The following SLC38A10 variants were observed in gnomAD, a reference collection of about 807,000 sequenced individuals.
SLC38A10 encodes solute carrier family 38 member 10.
SLC38A10 carries 53 observed loss-of-function variants against 81.0 expected under a neutral mutation model. The observed-to-expected ratio is 0.65, with a 90% CI of 0.53 to 0.82. SLC38A10 has a LOEUF of 0.82. SLC38A10 is among the 40% of genes least tolerant of loss of function. The pLI, the probability that SLC38A10 is intolerant of heterozygous loss-of-function variation, is 0.00. For synonymous variants in SLC38A10, 665 were observed against 655.3 expected, an observed-to-expected ratio of 1.01 and a Z score of -0.23; for missense variants, 1,471 against 1,545.0, an observed-to-expected ratio of 0.95 and a Z score of 0.80.
At chr17:81,257,582 G>A (rs2062984395) in intron 11 of SLC38A10, among the ~76,000 whole-genome samples, 1 of 152,252 alleles carries the variant, frequency 6.6e-6, no homozygotes, top group Non-Finnish European at 1.5e-5. Flanking sequence ...CCTCTGGCCT[G>A]TGTTGAGCCA....
intron 14 of SLC38A10, 97 bp from the exon 15 acceptor site, chr17:81,247,158 A>G: frequency 7.7e-7 from 1 of 1,292,604 alleles, no homozygotes; most frequent in South Asian, 1.5e-5. Flanking sequence ...CGCACAGGTC[A>G]CCTGCAGGGA....
At chr17:81,249,630 C>T (rs937609669) in intron 14 of SLC38A10, among the ~76,000 whole-genome samples, 10 of 151,878 alleles carry the variant, frequency 6.6e-5, no homozygotes, top group Non-Finnish European at 1.3e-4. Context: ...GTGGAGGAGA[C>T]AGGCTGTTCC....
At position 81,276,122 on chromosome 17, in the gene SLC38A10, G is replaced by A. The variant is rs559308101; in HGVS notation, c.759C>T (p.Thr253=). The change falls in exon 8 of 16, where the codon ACC becomes ACT. Residue 253 remains threonine, a synonymous_variant. Coordinates refer to ENST00000374759, the MANE Select transcript of SLC38A10 (RefSeq NM_001037984.3). The surrounding 1 kb of genome is among the most constrained non-coding windows in gnomAD (Gnocchi z 4.7). ...MVGFFGYVSF[T]EATAGNVLMH... ...TGAGCACGTTGCCGGCCGTGGCCTC[G>A]GTGAAGCTGACGTAGCCGAAAAACC... 17 of 1,613,380 alleles carry A rather than the reference G, an allele frequency of 1.1e-5. No homozygotes were observed. Among genetic ancestry groups the A allele is most frequent in the East Asian group, 4.5e-5 (2 of 44,872 alleles).
chr17:81,286,991 T>C lies in SLC38A10; in HGVS notation c.218-2096A>G, dbSNP rs1199677453. Among the ~76,000 whole-genome samples the C allele has an allele frequency of 6.6e-6, 1 of 152,192 alleles. No individual in the cohort carries two copies. Among genetic ancestry groups the C allele is most frequent in the Non-Finnish European group, 1.5e-5 (1 of 68,024 alleles). ...GCTGAAGGAGGCTGAATGACTGATG[T>C]ATCTGTGTGTCTTCTGAAGAGGGGA... On this transcript the variant is annotated intron_variant, in intron 2 of 15. Transcript: ENST00000374759. This position sits in a 1 kb window ranked among gnomAD's most constrained non-coding sequence, Gnocchi z 6.0.
chr17:81,285,911 G>A (rs1305898804), intron 2 of SLC38A10, among the ~76,000 whole-genome samples: 2 of 152,196 alleles, frequency 1.3e-5, no homozygotes, highest in African/African-American at 2.4e-5. Context: ...CCAGAGCCCG[G>A]GAGCAGCAAA....
At chr17:81,274,251 C>T (rs1291820371) in intron 8 of SLC38A10, among the ~76,000 whole-genome samples, 3 of 152,204 alleles carry the variant, frequency 2.0e-5, no homozygotes, top group Non-Finnish European at 2.9e-5. Flanking sequence ...AGCACCAGCA[C>T]GTGGGGGAGG....
intron 6 of SLC38A10, among the ~76,000 whole-genome samples, chr17:81,278,374 A>AC (rs1394194741): frequency 5.3e-5 from 8 of 151,938 alleles, no homozygotes; most frequent in Non-Finnish European, 1.0e-4. Flanking sequence ...ACACAGCAGG[A>AC]CCCCATCTCC....
rs1567931578 is a variant in SLC38A10 at position 81,260,266 on chromosome 17, C to T, written c.1260G>A (p.Leu420=). Residue 420 remains leucine (L), a synonymous_variant, in exon 11 of 16, where the codon TTG becomes TTA. Coordinates refer to ENST00000374759, the MANE Select transcript of SLC38A10 (RefSeq NM_001037984.3). ...PGGRLGEAEG[L]MKVEAARLSA... ...AGAGCCGCGCTGCCTCCACCTTCATCAAACCCTCGGCCTCTCCAAGCCGGC... is the reference window on the plus strand; with the variant it reads ...AGAGCCGCGCTGCCTCCACCTTCATTAAACCCTCGGCCTCTCCAAGCCGGC... 1 of 1,605,564 alleles carries T rather than the reference C, an allele frequency of 6.2e-7. No individual in the cohort carries two copies. The highest frequency in any genetic ancestry group is 8.5e-7 in the Non-Finnish European group (1 of 1,177,106).
rs1283117570 is a variant in SLC38A10 at position 81,286,254 on chromosome 17, G to A, written c.218-1359C>T. 6.6e-6 allele frequency among the ~76,000 whole-genome samples: 1 copy of A among 152,172 alleles called. No individual in the cohort carries two copies. The highest frequency in any genetic ancestry group is 2.4e-5 in the African/African-American group (1 of 41,424). On this transcript the variant is annotated intron_variant, in intron 2 of 15. Transcript: ENST00000374759. The surrounding 1 kb of genome is among the most constrained non-coding windows in gnomAD (Gnocchi z 6.0). ...TCCAAAAGGAAGCTGAGTCTCTACA[G>A]CATATTCCAAACACGAGCGCACCTT...
rs2062841402 is a variant in SLC38A10, at chr17:81,245,678, C to G, written c.3238G>C (p.Val1080Leu). 7 of 1,607,074 alleles carry G rather than the reference C, an allele frequency of 4.4e-6. No homozygotes were observed. The highest frequency in any genetic ancestry group is 5.9e-6 in the Non-Finnish European group (7 of 1,177,382). ...GCGCCACGGAGGTCGTTCACCTGGA[C>G]ATCAGGCAGGGGGTTAAGGCCAATG... is the stretch of plus-strand genomic sequence containing the variant. ...VIIGLNPLPD[V>L]QVNDLRGALD... The change falls in exon 16 of 16, where the codon GTC (valine) becomes CTC (leucine). Residue 1080 changes from valine (V) to leucine (L), a missense_variant. Val to Leu is a conservative substitution (Grantham distance 32). Around this residue, in one of 2 missense-constraint regions of SLC38A10, gnomAD observed 751 missense variants for 717.4 expected, o/e 1.05. Transcript: ENST00000374759.
intron 2 of SLC38A10, among the ~76,000 whole-genome samples, chr17:81,287,616 T>C (rs1363941966): frequency 6.6e-6 from 1 of 152,224 alleles, no homozygotes; most frequent in Non-Finnish European, 1.5e-5. Flanking sequence ...GGAATCTTTT[T>C]TGTTTCTGGC....
chr17:81,248,918 T>C (rs2062878084), intron 14 of SLC38A10, among the ~76,000 whole-genome samples: 1 of 152,234 alleles, frequency 6.6e-6, no homozygotes, highest in African/African-American at 2.4e-5. Flanking sequence ...GGAAAGGCCA[T>C]GACGGGCAGA....
At chr17:81,262,195 G>A (rs978071489) in intron 10 of SLC38A10, among the ~76,000 whole-genome samples, 1 of 152,210 alleles carries the variant, frequency 6.6e-6, no homozygotes, top group African/African-American at 2.4e-5. Flanking sequence ...AGGCCGGAAG[G>A]AAAGGCCTTG....
chr17:81,246,738 C>G (rs2062855606), intron 15 of SLC38A10, 65 bp from the exon 16 acceptor site: 1 of 1,499,816 alleles, frequency 6.7e-7, no homozygotes. Flanking sequence ...TGGAGGGGCT[C>G]AGAAGAACCA....
At chr17:81,287,290 G>A (rs975967087) in intron 2 of SLC38A10, among the ~76,000 whole-genome samples, 5 of 152,194 alleles carry the variant, frequency 3.3e-5, no homozygotes, top group South Asian at 2.1e-4. Flanking sequence ...GATGCCATTC[G>A]GAGGAAACCA....
chr17:81,275,827 C>T, intron 8 of SLC38A10, 142 bp downstream of exon 8: 2 of 936,302 alleles, frequency 2.1e-6, no homozygotes, highest in Non-Finnish European at 3.1e-6. Flanking sequence ...CTCTAGGCTC[C>T]CCCAACTTCC....
At chr17:81,285,104 A>G in intron 2 of SLC38A10, 1 of 450,410 alleles carries the variant, frequency 2.2e-6, no homozygotes, top group African/African-American at 2.0e-5. Flanking sequence ...AGACAGAGCA[A>G]GGGAAGGACA....
chr17:81,271,994 G>A (rs559414026), intron 9 of SLC38A10, among the ~76,000 whole-genome samples: 11 of 151,866 alleles, frequency 7.2e-5, no homozygotes, highest in East Asian at 3.9e-4. Flanking sequence ...CCCAAACTGC[G>A]GGGATTACAG....
intron 2 of SLC38A10, chr17:81,285,532 G>C (rs973496373): frequency 1.3e-5 from 2 of 152,250 alleles, no homozygotes; most frequent in Admixed American, 1.3e-4. Context: ...GGAAGGAGCC[G>C]CCATTCTCTC....
Sources: allele counts gnomAD v4.1 joint callset (sites outside exome capture counted in the v4.1 genomes callset), GRCh38; gene constraint gnomAD v4.1.1; regional missense constraint gnomAD v4.1.1; non-coding constraint Gnocchi (gnomAD v3.1); transcripts MANE v1.5; gene names NCBI Gene and HGNC (gene_info 2026-07-23, HGNC 2026-07-21).